SRPRB: variants seen among roughly 807,000 people sequenced by gnomAD.
SRPRB encodes the protein SRP receptor subunit beta, also known as signal recognition particle receptor subunit beta.
A neutral mutation model predicts 31.9 loss-of-function variants in SRPRB; 20 were observed. The observed-to-expected ratio is 0.63, with a 90% CI of 0.44 to 0.91. SRPRB has a LOEUF of 0.91. Ranked by LOEUF, SRPRB falls within the 40% of genes least tolerant of loss-of-function variation. The pLI is 0.00. For synonymous variants in SRPRB, 146 were observed against 132.8 expected, an observed-to-expected ratio of 1.10 and a Z score of -0.68; for missense variants, 321 against 324.9, an observed-to-expected ratio of 0.99 and a Z score of 0.09.
At chr3:133,823,601 G>A (rs1219564536), downstream of SRPRB, among the ~76,000 whole-genome samples, 4 of 152,202 alleles carry the variant, frequency 2.6e-5, no homozygotes, top group East Asian at 7.7e-4. Context: ...ACTTGAAGAA[G>A]AGTGAGATTC....
chr3:133,821,689 G>A (rs1935478276), downstream of SRPRB, among the ~76,000 whole-genome samples: 1 of 152,172 alleles, frequency 6.6e-6, no homozygotes, highest in Non-Finnish European at 1.5e-5. Flanking sequence ...AATTACCTGC[G>A]ATGCTTGTTA....
chr3:133,801,815 C>G (rs1392783515), upstream of SRPRB, among the ~76,000 whole-genome samples: 3 of 152,224 alleles, frequency 2.0e-5, no homozygotes, highest in Non-Finnish European at 4.4e-5. Context: ...GCTGCCAGTT[C>G]TGATATTTTT....
intron 1 of SRPRB, chr3:133,792,525 G>A (rs1934866705): frequency 6.6e-6 from 1 of 152,080 alleles, no homozygotes; most frequent in African/African-American, 2.4e-5. Context: ...ACTTCTCTCT[G>A]GGTCCTAGAC....
downstream of SRPRB, chr3:133,827,827 C>G (rs555649442): frequency 9.1e-4 from 409 of 451,068 alleles, 1 homozygote; most frequent in Non-Finnish European, 1.4e-3. Flanking sequence ...AGGAAGGCTT[C>G]AGGATGGCAC....
At chr3:133,825,617 G>A (rs2107981242), downstream of SRPRB, 1 of 152,344 alleles carries the variant, frequency 6.6e-6, no homozygotes, top group Admixed American at 6.5e-5. Context: ...TGATCACCCA[G>A]CAAGTTAGGA....
chr3:133,788,841 A>T (rs1179534657), intron 1 of SRPRB: 1 of 152,240 alleles, frequency 6.6e-6, no homozygotes, highest in East Asian at 1.9e-4. Context: ...AGGCGACGGA[A>T]ACCCTACTTG....
intron 4 of SRPRB, among the ~76,000 whole-genome samples, chr3:133,812,912 T>C (rs539155640): frequency 6.6e-6 from 1 of 152,332 alleles, no homozygotes; most frequent in East Asian, 1.9e-4. Flanking sequence ...TTTTACTTCT[T>C]CCCTTTAGAT....
At chr3:133,815,916 A>T (rs1935357539) in intron 5 of SRPRB, among the ~76,000 whole-genome samples, 190 bp downstream of exon 5, 1 of 152,186 alleles carries the variant, frequency 6.6e-6, no homozygotes, top group Non-Finnish European at 1.5e-5. Context: ...TCTAACCAGA[A>T]GACCAAGGAA....
At chr3:133,800,774 G>A (rs1935049397) in intron 1 of SRPRB, among the ~76,000 whole-genome samples, 1 of 152,186 alleles carries the variant, frequency 6.6e-6, no homozygotes, top group African/African-American at 2.4e-5. Context: ...CACAGCAATG[G>A]ACACAGTAGG....
chr3:133,823,871 T>A (rs1935512580), downstream of SRPRB, among the ~76,000 whole-genome samples: 1 of 152,116 alleles, frequency 6.6e-6, no homozygotes, highest in Non-Finnish European at 1.5e-5. Context: ...AGAGATCCAG[T>A]CCCTGTACCC....
downstream of SRPRB, among the ~76,000 whole-genome samples, chr3:133,823,527 G>A (rs1935508585): frequency 6.6e-6 from 1 of 152,218 alleles, no homozygotes; most frequent in South Asian, 2.1e-4. Context: ...TGAGGTGGCA[G>A]CAGATTGGAG....
In SRPRB at chr3:133,805,999, C is replaced by T; in HGVS notation, c.151C>T (p.Leu51=). The T allele has an allele frequency of 1.9e-6, 3 of 1,612,718 alleles. No individual in the cohort carries two copies. The highest frequency in any genetic ancestry group is 1.7e-6 in the Non-Finnish European group (2 of 1,179,138). Residue 51 remains leucine, a synonymous_variant, in exon 1 of 7, where the codon CTA becomes TTA. Coordinates refer to ENST00000678299, the MANE Select transcript of SRPRB (RefSeq NM_001379313.1). ...GGCGGTTCTTGCGGTGCTGCTGACG[C>T]TAGGTAAAAGGCGGCCGGTGGTCAT... ...VVAVLAVLLT[L]VFWKLIRSRR... is the part of the protein sequence containing the mutation.
Position 133,820,112 on chromosome 3 carries a change from A to G in SRPRB, c.*346A>G. 4.7e-6 allele frequency: 1 copy of G among 214,738 alleles called. No homozygotes were observed. The highest frequency in any genetic ancestry group is 9.5e-6 in the Non-Finnish European group (1 of 105,182). The allele number at this position is 214,738 out of a possible 1,614,324, so 13.3% of individuals were successfully genotyped here. A position where few individuals can be genotyped will look rare whatever the true frequency, so the allele number is the denominator to read the frequency against. On this transcript the variant is annotated 3_prime_UTR_variant, in exon 7 of 7. Coordinates refer to ENST00000678299, the MANE Select transcript of SRPRB (RefSeq NM_001379313.1). Reference sequence around the variant, plus strand: ...TGGCCATCACCTGAAAAGTTTTCTTATCTTCTGTGCTTTTGGTCCCTGGAA... The same window carrying G: ...TGGCCATCACCTGAAAAGTTTTCTTGTCTTCTGTGCTTTTGGTCCCTGGAA...
chr3:133,813,351 A>AT (rs1320003595), intron 4 of SRPRB, among the ~76,000 whole-genome samples: 1 of 152,154 alleles, frequency 6.6e-6, no homozygotes, highest in Non-Finnish European at 1.5e-5. Context: ...ATTCTTATGA[A>AT]TGTTATTGAA....
intron 6 of SRPRB, among the ~76,000 whole-genome samples, chr3:133,817,463 C>G (rs1017024659): frequency 6.6e-6 from 1 of 152,114 alleles, no homozygotes; most frequent in African/African-American, 2.4e-5. Flanking sequence ...ATTATAGCTT[C>G]TTAGATTGTT....
At chr3:133,828,109 C>T (rs1043703187), downstream of SRPRB, 7 of 640,490 alleles carry the variant, frequency 1.1e-5, no homozygotes, top group African/African-American at 1.1e-4. Flanking sequence ...GGAGCAGTTC[C>T]TCTGGGGGCT....
intron 1 of SRPRB, among the ~76,000 whole-genome samples, chr3:133,799,969 G>C (rs1475841736): frequency 6.6e-6 from 1 of 152,220 alleles, no homozygotes; most frequent in African/African-American, 2.4e-5. Flanking sequence ...AGTAATGACA[G>C]CACGCTTTCA....
chr3:133,807,856 G>C, intron 3 of SRPRB, 33 bp downstream of exon 3: 1 of 1,542,542 alleles, frequency 6.5e-7, no homozygotes, highest in African/African-American at 1.4e-5. Flanking sequence ...GAGTCTGACA[G>C]TCTTACTTTA....
In SRPRB at chr3:133,820,214, ACATTG is replaced by A; in HGVS notation, c.*449_*453del. On this transcript the variant is annotated 3_prime_UTR_variant, in exon 7 of 7. Transcript: ENST00000678299. ...GTTGCCTCTGAAGTTCACAGGCAAT[ACATTG>A]TCTAGTCCTTTGCGAATTTCTCTGA... is the stretch of plus-strand genomic sequence containing the variant. 2 of 182,788 alleles carry A rather than the reference ACATTG, an allele frequency of 1.1e-5. 1 individual carries two copies. Among genetic ancestry groups the A allele is most frequent in the South Asian group, 2.3e-4 (2 of 8,714 alleles). The allele number at this position is 182,788 out of a possible 1,614,324, so 11.3% of individuals were successfully genotyped here. A position where few individuals can be genotyped will look rare whatever the true frequency, so the allele number is the denominator to read the frequency against.
Sources: allele counts gnomAD v4.1 joint callset (sites outside exome capture counted in the v4.1 genomes callset), GRCh38; gene constraint gnomAD v4.1.1; transcripts MANE v1.5; gene names NCBI Gene and HGNC (gene_info 2026-07-23, HGNC 2026-07-21).